The following HSDL2 variants were observed in gnomAD, a reference collection of about 807,000 sequenced individuals.
The protein encoded by HSDL2 is hydroxysteroid dehydrogenase-like protein 2.
In HSDL2, 27 loss-of-function variants were observed where a neutral mutation model predicts 46.3. The ratio of observed to expected loss-of-function variants is 0.58; its 90% CI spans 0.43 to 0.80. The LOEUF (loss-of-function observed/expected upper bound fraction) is 0.80. Among genes scored for constraint, HSDL2 ranks in the 30% least tolerant of loss-of-function variants. The pLI is 0.00. For synonymous variants in HSDL2, 153 were observed against 163.6 expected (o/e 0.94, Z 0.50); for missense variants, 451 against 502.7 (o/e 0.90, Z 0.98).
chr9:112,465,609 T>C (rs989464832), intron 10 of HSDL2, among the ~76,000 whole-genome samples: 5 of 152,246 alleles, frequency 3.3e-5, no homozygotes, highest in Non-Finnish European at 7.3e-5. Context: ...TTTTCTCTAT[T>C]GATTTGCATA....
At chr9:112,463,216 T>G (rs1369433674) in intron 10 of HSDL2, among the ~76,000 whole-genome samples, 3 of 152,160 alleles carry the variant, frequency 2.0e-5, no homozygotes. Context: ...GGGTAGATTT[T>G]TAAGAATGGA....
intron 1 of HSDL2, among the ~76,000 whole-genome samples, chr9:112,385,602 T>C (rs1831201609): frequency 7.0e-6 from 1 of 142,390 alleles, no homozygotes. Context: ...CAATTCTGCT[T>C]CAGCCTCCCG....
In HSDL2 at chr9:112,397,991, G is replaced by A. The variant is rs1451503751; in HGVS notation, c.18-6004G>A. Among the ~76,000 whole-genome samples, 3 of 152,266 alleles carry A rather than the reference G, an allele frequency of 2.0e-5. No homozygotes were observed. In the East Asian group the frequency reaches 5.8e-4, roughly 29 times the overall value. Reference sequence around the variant, plus strand: ...TTGTTTCTTTTTTCTGGCGTAATAAGTGTTGCATGGAAGTTTCAAGAACAG... The same window carrying A: ...TTGTTTCTTTTTTCTGGCGTAATAAATGTTGCATGGAAGTTTCAAGAACAG... On this transcript the variant is annotated intron_variant, in intron 1 of 10. Transcript: ENST00000398805.
intron 6 of HSDL2, among the ~76,000 whole-genome samples, chr9:112,429,056 G>A (rs1258466710): frequency 6.6e-6 from 1 of 152,120 alleles, no homozygotes; most frequent in Non-Finnish European, 1.5e-5. Flanking sequence ...AGGCCACCAT[G>A]CCCAGCTAAT....
chr9:112,461,007 A>G (rs984455134), intron 10 of HSDL2, among the ~76,000 whole-genome samples: 1 of 151,974 alleles, frequency 6.6e-6, no homozygotes, highest in East Asian at 1.9e-4. Flanking sequence ...TACCATTACT[A>G]CTGTTTGGCA....
rs199910165 is a variant in HSDL2, at chr9:112,385,941, A to AT, written c.17+5773dup. Among the ~76,000 whole-genome samples the AT allele has an allele frequency of 4.5e-3, 653 of 144,206 alleles. 6 individuals are homozygous for AT. Among genetic ancestry groups the AT allele is most frequent in the African/African-American group, 0.015 (593 of 39,256 alleles). 94.6% of individuals were successfully genotyped at this position (144,206 alleles called of 152,430 possible). A position where few individuals can be genotyped will look rare whatever the true frequency, so the allele number is the denominator to read the frequency against. Reference sequence around the variant, plus strand: ...ATGCCCGGCCAATTTTTTTAATTTAATTTTTTTTTTTTAAATAGTAACATG... The same window carrying AT: ...ATGCCCGGCCAATTTTTTTAATTTAATTTTTTTTTTTTTAAATAGTAACATG... On this transcript the variant is annotated intron_variant, in intron 1 of 10. Coordinates refer to ENST00000398805, the MANE Select transcript of HSDL2 (RefSeq NM_032303.5).
At chr9:112,467,143 A>G (rs529838549) in intron 10 of HSDL2, among the ~76,000 whole-genome samples, 1 of 152,334 alleles carries the variant, frequency 6.6e-6, no homozygotes, top group East Asian at 1.9e-4. Context: ...CGCTATTCAC[A>G]ATAGGCAAAA....
rs746494981 is a variant in HSDL2 at position 112,404,162 on chromosome 9, A to T, written c.181+4A>T. On this transcript the variant is annotated splice_donor_region_variant and intron_variant, in intron 2 of 10. Coordinates refer to ENST00000398805, the MANE Select transcript of HSDL2 (RefSeq NM_032303.5). ...ATCTATACTGCTGCTGAAGAAAGTGAGTGTGACAGTGCCATTTGATAAAAT... is the reference window on the plus strand; with the variant it reads ...ATCTATACTGCTGCTGAAGAAAGTGTGTGTGACAGTGCCATTTGATAAAAT... 1.9e-6 allele frequency: 3 copies of T among 1,612,688 alleles called. No homozygotes were observed. The highest frequency in any genetic ancestry group is 1.7e-6 in the Non-Finnish European group (2 of 1,179,116).
chr9:112,443,713 G>C (rs1448723399), intron 8 of HSDL2, among the ~76,000 whole-genome samples: 1 of 152,202 alleles, frequency 6.6e-6, no homozygotes, highest in Non-Finnish European at 1.5e-5. Context: ...CTGGGCAACA[G>C]AGCAAGACCC....
chr9:112,404,287 A>C, intron 2 of HSDL2, 129 bp downstream of exon 2: 2 of 862,776 alleles, frequency 2.3e-6, no homozygotes. Context: ...TGAAAGAAGT[A>C]TTTATGTTGT....
intron 1 of HSDL2, among the ~76,000 whole-genome samples, chr9:112,388,135 G>C (rs1831256545): frequency 6.6e-6 from 1 of 151,628 alleles, no homozygotes; most frequent in African/African-American, 2.4e-5. Context: ...CTTCAGCCTG[G>C]GTGACAGGGC....
intron 1 of HSDL2, among the ~76,000 whole-genome samples, chr9:112,384,044 G>A (rs997399910): frequency 1.3e-5 from 2 of 152,152 alleles, no homozygotes; most frequent in Non-Finnish European, 2.9e-5. Context: ...GTTTTAATAT[G>A]TGGGAAAGCT....
At chr9:112,402,174 A>T (rs1400421985) in intron 1 of HSDL2, among the ~76,000 whole-genome samples, 1 of 152,208 alleles carries the variant, frequency 6.6e-6, no homozygotes, top group Non-Finnish European at 1.5e-5. Flanking sequence ...AGTAAATAAG[A>T]AAGCGGGTTT....
chr9:112,404,925 G>A lies in HSDL2; in HGVS notation c.182-699G>A, dbSNP rs534833083. Reference sequence around the variant, plus strand: ...ACACACCAGCAAAAAATAAAACAGGGGACAGGAAAGATAAACATATTAACT... The same window carrying A: ...ACACACCAGCAAAAAATAAAACAGGAGACAGGAAAGATAAACATATTAACT... On this transcript the variant is annotated intron_variant, in intron 2 of 10. Transcript: ENST00000398805. Among the ~76,000 whole-genome samples, 57 of 151,418 alleles carry A rather than the reference G, an allele frequency of 3.8e-4. 1 individual carries two copies. In the East Asian group the frequency reaches 8.9e-3, roughly 24 times the overall value.
chr9:112,411,136 C>T lies in HSDL2; in HGVS notation c.395+2115C>T, dbSNP rs555210771. Among the ~76,000 whole-genome samples, 310 of 152,236 alleles carry T rather than the reference C, an allele frequency of 2.0e-3. 1 individual carries two copies. Among genetic ancestry groups the T allele is most frequent in the South Asian group, 0.018 (88 of 4,828 alleles). ...TTGTCTTCTGGATGCTGAGGACAGA[C>T]TAACAAGTTATATCATTGCATTTAC... is the stretch of plus-strand genomic sequence containing the variant. On this transcript the variant is annotated intron_variant, in intron 4 of 10. Transcript: ENST00000398805.
At chr9:112,415,536 ACT>A (rs908420251) in intron 4 of HSDL2, among the ~76,000 whole-genome samples, 4 of 152,118 alleles carry the variant, frequency 2.6e-5, no homozygotes, top group African/African-American at 9.7e-5. Context: ...TGACTTGAAC[ACT>A]CATGTTATTT....
At position 112,450,346 on chromosome 9, in the gene HSDL2, C is replaced by T. The variant is rs1210610174; in HGVS notation, c.866-3667C>T. Among the ~76,000 whole-genome samples the T allele has an allele frequency of 2.7e-5, 4 of 146,140 alleles. No individual in the cohort carries two copies. In the Admixed American group the frequency reaches 2.9e-4, roughly 10 times the overall value. On this transcript the variant is annotated intron_variant, in intron 8 of 10. Transcript: ENST00000398805. Reference sequence around the variant, plus strand: ...ACAGAAGTATAAAAAAAGCATAGAACAGGCCAGGTGCCGTGGCTCATGCCT... The same window carrying T: ...ACAGAAGTATAAAAAAAGCATAGAATAGGCCAGGTGCCGTGGCTCATGCCT...
chr9:112,443,752 A>T (rs57374987), intron 8 of HSDL2, among the ~76,000 whole-genome samples: 19,543 of 152,176 alleles, frequency 0.13, 1,749 homozygotes, highest in East Asian at 0.2. Context: ...AAATTAGCAC[A>T]TTCTTTCCCC....
At chr9:112,450,776 A>G (rs191988229) in intron 8 of HSDL2, among the ~76,000 whole-genome samples, 2 of 152,190 alleles carry the variant, frequency 1.3e-5, no homozygotes, top group East Asian at 3.9e-4. Flanking sequence ...AGAAATAAAT[A>G]TTTTACCAGT....
Sources: gnomAD v4.1 joint callset for allele counts (sites outside exome capture counted in the v4.1 genomes callset) on GRCh38, gnomAD v4.1.1 for gene constraint, MANE v1.5 for transcripts, NCBI Gene and HGNC (gene_info 2026-07-23, HGNC 2026-07-21) for gene names.